ADH4: variants seen among roughly 807,000 people sequenced by gnomAD.
The protein encoded by ADH4 is all-trans-retinol dehydrogenase [NAD(+)] ADH4.
ADH4 carries 31 observed loss-of-function variants against 35.2 expected under a neutral mutation model. The ratio of observed to expected loss-of-function variants is 0.88; its 90% CI spans 0.66 to 1.19. ADH4 has a LOEUF of 1.19. Ranked by LOEUF, ADH4 falls within the 50% of genes most tolerant of loss-of-function variation. ADH4 has a pLI of 0.00. For missense variants in ADH4, 476 were observed against 458.3 expected, an observed-to-expected ratio of 1.04 and a Z score of -0.35; for synonymous variants, 171 against 160.2, an observed-to-expected ratio of 1.07 and a Z score of -0.51.
chr4:99,137,462 G>A (rs563687251), intron 4 of ADH4, among the ~76,000 whole-genome samples: 3 of 151,970 alleles, frequency 2.0e-5, no homozygotes, highest in South Asian at 2.1e-4. Flanking sequence ...GGGTTTCTCC[G>A]TGTTGGTCAG....
In ADH4 at chr4:99,144,280, C is replaced by A. The variant is rs528461410; in HGVS notation, c.-58G>T. 22 of 1,549,630 alleles carry A rather than the reference C, an allele frequency of 1.4e-5. No homozygotes were observed. The highest frequency in any genetic ancestry group is 1.9e-5 in the Non-Finnish European group (21 of 1,121,584). ...TCTGAGTTAAGAAAGCTTCAAACTC[C>A]TACCCAGGGAGTTCCGTGTCCTATA... is the stretch of plus-strand genomic sequence containing the variant. On this transcript the variant is annotated 5_prime_UTR_variant, in exon 1 of 9. The change creates a new upstream start codon in the 5' untranslated region. Transcript: ENST00000265512.
At chr4:99,127,462 GAT>G (rs1729136325) in intron 6 of ADH4, 118 bp from the exon 7 acceptor site, 1 of 725,848 alleles carries the variant, frequency 1.4e-6, no homozygotes, top group African/African-American at 1.8e-5. Context: ...AAGATAATGG[GAT>G]TCAAGCTAAT....
intron 6 of ADH4, among the ~76,000 whole-genome samples, chr4:99,131,125 TG>T (rs1346529471): frequency 1.3e-5 from 2 of 152,062 alleles, no homozygotes; most frequent in Admixed American, 6.6e-5. Context: ...CCCCTAAAAT[TG>T]TCTCCAAGGA....
At chr4:99,129,603 T>G (rs1275060199) in intron 6 of ADH4, among the ~76,000 whole-genome samples, 1 of 152,218 alleles carries the variant, frequency 6.6e-6, no homozygotes, top group African/African-American at 2.4e-5. Context: ...CAGTTCACCT[T>G]TTGCTATGTC....
intron 8 of ADH4, among the ~76,000 whole-genome samples, chr4:99,124,954 T>G (rs1729038338): frequency 6.6e-6 from 1 of 152,182 alleles, no homozygotes; most frequent in Non-Finnish European, 1.5e-5. Flanking sequence ...AGAGCAGTCT[T>G]TATCTCAAAC....
chr4:99,125,672 A>G (rs29001229), intron 8 of ADH4, among the ~76,000 whole-genome samples: 32,055 of 152,022 alleles, frequency 0.21, 4,054 homozygotes, highest in Non-Finnish European at 0.29. Flanking sequence ...CTTCCTTCTG[A>G]TATGTTGTGA....
chr4:99,126,518 G>T, intron 8 of ADH4, 76 bp downstream of exon 8: 3 of 1,439,650 alleles, frequency 2.1e-6, no homozygotes, highest in Non-Finnish European at 1.9e-6. Context: ...CAAGCTGGTT[G>T]CTTCTTAACA....
At position 99,136,638 on chromosome 4, in the gene ADH4, G is replaced by C; in HGVS notation, c.410C>G (p.Thr137Ser). 5 of 1,614,070 alleles carry C rather than the reference G, an allele frequency of 3.1e-6. No homozygotes were observed. The highest frequency in any genetic ancestry group is 4.2e-6 in the Non-Finnish European group (5 of 1,180,010). The stretch of plus-strand genomic sequence containing the variant: ...ATGGTAAACTGGTTTTCCTTTGCAG[G>C]TAAACCTGCTGGTTTTGTCTTCCAT... ...QLMEDKTSRFTCKGKPVYHFF... is the reference protein window; with the variant it reads ...QLMEDKTSRFSCKGKPVYHFF... Residue 137 changes from threonine (T) to serine (S), a missense_variant, in exon 5 of 9, where the codon ACC becomes AGC. Transcript: ENST00000265512.
chr4:99,127,573 A>C (rs959481775), intron 6 of ADH4, among the ~76,000 whole-genome samples: 3 of 152,222 alleles, frequency 2.0e-5, no homozygotes. Flanking sequence ...TCATTCCTGT[A>C]ATCCTAGAAC....
At chr4:99,139,753 C>T (rs981719170) in intron 3 of ADH4, among the ~76,000 whole-genome samples, 1 of 152,034 alleles carries the variant, frequency 6.6e-6, no homozygotes, top group Non-Finnish European at 1.5e-5. Context: ...TGAGACGAGC[C>T]CTATTTTTAT....
At chr4:99,126,907 A>C (rs1265220175) in intron 7 of ADH4, among the ~76,000 whole-genome samples, 175 bp from the exon 8 acceptor site, 1 of 152,076 alleles carries the variant, frequency 6.6e-6, no homozygotes, top group Non-Finnish European at 1.5e-5. Context: ...TTTCTTTATA[A>C]GAAAAATTTA....
In ADH4 at chr4:99,139,070, C is replaced by G; in HGVS notation, c.341G>C (p.Gly114Ala). ...FCLSPLTNLCGKISNLKSPAS... is the reference protein window; with the variant it reads ...FCLSPLTNLCAKISNLKSPAS... ...AGTGTAGAGTGCTTACCTGATTTTC[C>G]CACACAAATTTGTGAGTGGACTCAG... The change falls in exon 4 of 9, where the codon GGG becomes GCG. Residue 114 changes from glycine to alanine, a missense_variant. Gly to Ala is a moderately conservative substitution (Grantham distance 60). Transcript: ENST00000265512. 2 of 1,611,624 alleles carry G rather than the reference C, an allele frequency of 1.2e-6. No homozygotes were observed. The highest frequency in any genetic ancestry group is 1.7e-6 in the Non-Finnish European group (2 of 1,178,344).
In ADH4 at chr4:99,131,616, G is replaced by A. The variant is rs1729273518; in HGVS notation, c.731C>T (p.Thr244Ile). ...KFVKAKALGATDCLNPRDLHK... is the reference protein window; with the variant it reads ...KFVKAKALGAIDCLNPRDLHK... ...TAAGTCTCTAGGATTGAGGCAGTCA[G>A]TGGCTCCCAGGGCTTTAGCCTTCAC... Residue 244 changes from threonine to isoleucine, a missense_variant, in exon 6 of 9, where the codon ACT becomes ATT. Physicochemically the swap from Thr to Ile is moderately conservative, Grantham distance 89. Transcript: ENST00000265512. 6.2e-7 allele frequency: 1 copy of A among 1,614,114 alleles called. No individual in the cohort carries two copies. Among genetic ancestry groups the A allele is most frequent in the Non-Finnish European group, 8.5e-7 (1 of 1,180,002 alleles).
intron 3 of ADH4, among the ~76,000 whole-genome samples, chr4:99,140,999 A>C (rs996891843): frequency 7.2e-5 from 11 of 152,308 alleles, no homozygotes; most frequent in Admixed American, 7.2e-4. Context: ...GGTACTAAAC[A>C]TAGTACCCGA....
At chr4:99,132,492 A>G (rs567809923) in intron 5 of ADH4, among the ~76,000 whole-genome samples, 135 of 147,514 alleles carry the variant, frequency 9.2e-4, no homozygotes, top group South Asian at 2.0e-3. Context: ...CTTTTATTAT[A>G]TAATTTATAA....
chr4:99,137,139 T>TATTA (rs200921834), intron 4 of ADH4, among the ~76,000 whole-genome samples: 21 of 150,426 alleles, frequency 1.4e-4, no homozygotes, highest in South Asian at 2.1e-4. Flanking sequence ...ATTATTATTT[T>TATTA]TTTTTTGAGA....
At chr4:99,127,657 C>T (rs1040877124) in intron 6 of ADH4, among the ~76,000 whole-genome samples, 6 of 151,740 alleles carry the variant, frequency 4.0e-5, no homozygotes, top group Non-Finnish European at 7.4e-5. Context: ...GGCAAAACCC[C>T]GTCTCTACTA....
intron 1 of ADH4, chr4:99,143,021 A>AC (rs1330664170): frequency 2.3e-5 from 15 of 665,052 alleles, no homozygotes; most frequent in Non-Finnish European, 3.2e-5. Flanking sequence ...TCTTGAAAAA[A>AC]AAACAGGTGT....
At chr4:99,138,986 A>G (rs2110502731) in intron 4 of ADH4, 75 bp downstream of exon 4, 1 of 1,125,852 alleles carries the variant, frequency 8.9e-7, no homozygotes, top group East Asian at 2.5e-5. Flanking sequence ...CTTCAAGGCC[A>G]TTTAGGTAAT....
Sources: allele counts gnomAD v4.1 joint callset (sites outside exome capture counted in the v4.1 genomes callset), GRCh38; gene constraint gnomAD v4.1.1; transcripts MANE v1.5; gene names NCBI Gene and HGNC (gene_info 2026-07-23, HGNC 2026-07-21).